NUDT11: variants seen among roughly 807,000 people sequenced by gnomAD.
NUDT11 encodes the protein nudix hydrolase 11.
NUDT11 carries 1 observed loss-of-function variant against 10.0 expected under a neutral mutation model. The ratio of observed to expected loss-of-function variants is 0.10; its 90% CI spans 0.04 to 0.47. The LOEUF (loss-of-function observed/expected upper bound fraction) is 0.47, where lower values mean the gene tolerates loss of function less well. Ranked by LOEUF, NUDT11 falls within the 20% of genes least tolerant of loss-of-function variation. NUDT11 has a pLI of 0.96. For missense variants in NUDT11, 47 were observed against 140.4 expected (o/e 0.33, Z 3.36); for synonymous variants, 63 against 65.9 (o/e 0.96, Z 0.21).
intron 1 of NUDT11, 73 bp downstream of exon 1, chrX:51,495,878 A>G: frequency 1.6e-5 from 19 of 1,170,322 alleles, no homozygotes; most frequent in Non-Finnish European, 2.2e-5. Flanking sequence ...ATGGCACGAG[A>G]GGTGCTCCAG....
chrX:51,493,973 A>G (rs1397139754), intron 1 of NUDT11, among the ~76,000 whole-genome samples: 2 of 112,078 alleles, frequency 1.8e-5, no homozygotes, highest in Non-Finnish European at 3.8e-5. Flanking sequence ...AAAAATATCC[A>G]TAAAATACAA....
chrX:51,494,309 C>A (rs1421891323), intron 1 of NUDT11, among the ~76,000 whole-genome samples: 2 of 111,667 alleles, frequency 1.8e-5, no homozygotes, highest in African/African-American at 3.2e-5. Flanking sequence ...TTGATCAGAC[C>A]ATGTAATTCA....
intron 1 of NUDT11, among the ~76,000 whole-genome samples, chrX:51,493,581 T>C (rs1163506286): frequency 8.9e-6 from 1 of 111,880 alleles, no homozygotes; most frequent in African/African-American, 3.2e-5. Context: ...TCTGTACTAA[T>C]GCTTTTAACT....
chrX:51,494,516 G>A (rs1925659829), intron 1 of NUDT11, among the ~76,000 whole-genome samples: 1 of 111,201 alleles, frequency 9.0e-6, no homozygotes, highest in Non-Finnish European at 1.9e-5. Context: ...TCACTGTTTA[G>A]CAGCATAAAA....
intron 1 of NUDT11, among the ~76,000 whole-genome samples, chrX:51,492,367 CTCTT>C (rs1925614573): frequency 9.1e-6 from 1 of 109,368 alleles, no homozygotes; most frequent in South Asian, 4.0e-4. Flanking sequence ...CATGCGCTCA[CTCTT>C]TTTTTTTTTT....
intron 1 of NUDT11, among the ~76,000 whole-genome samples, chrX:51,494,015 A>G (rs1349544274): frequency 8.9e-6 from 1 of 112,047 alleles, no homozygotes; most frequent in East Asian, 2.8e-4. Context: ...ATATTAATGT[A>G]GAAACAAGAA....
chrX:51,493,193 A>T (rs1925631203), intron 1 of NUDT11, among the ~76,000 whole-genome samples: 1 of 112,308 alleles, frequency 8.9e-6, no homozygotes, highest in South Asian at 3.7e-4. Context: ...TCCTCTTTAT[A>T]TATTCACAAG....
At chrX:51,495,868 A>G (rs1925691584) in intron 1 of NUDT11, 83 bp downstream of exon 1, 1 of 1,153,568 alleles carries the variant, frequency 8.7e-7, no homozygotes, top group Non-Finnish European at 1.2e-6. Context: ...GAGACCGCAC[A>G]TGGCACGAGA....
chrX:51,496,359 C>G lies in NUDT11; in HGVS notation c.86G>C (p.Arg29Pro). ...RAACLCFRSE[R>P]EDEVLLVSSS... ...ACTCACTAACAGGACCTCGTCCTCG[C>G]GTTCGCTCCGGAAGCACAGGCACGC... Residue 29 changes from arginine (R) to proline (P), a missense_variant, in exon 1 of 2, where the codon CGC becomes CCC. Coordinates refer to ENST00000375992, the MANE Select transcript of NUDT11 (RefSeq NM_018159.4). 8.3e-7 allele frequency: 1 copy of G among 1,209,019 alleles called. No homozygotes were observed. Among genetic ancestry groups the G allele is most frequent in the Non-Finnish European group, 1.1e-6 (1 of 894,401 alleles).
Position 51,491,519 on chromosome X carries a change from C to T in NUDT11, c.*230G>A, listed in dbSNP as rs921888160. On this transcript the variant is annotated 3_prime_UTR_variant, in exon 2 of 2. Transcript: ENST00000375992. ...AGGCAGACACATCAAAAAAGCACAA[C>T]AAAAGGCTATAGGTGCTGAATTAAG... The T allele has an allele frequency of 3.1e-5, 11 of 349,808 alleles. No individual in the cohort carries two copies. The highest frequency in any genetic ancestry group is 5.4e-5 in the Non-Finnish European group (11 of 202,287). The allele number at this position is 349,808 out of a possible 1,213,427, so 28.8% of individuals were successfully genotyped here.
Position 51,496,013 on chromosome X carries a change from C to T in NUDT11, c.432G>A (p.Lys144=), listed in dbSNP as rs782350129. ...PVHAEYLEKL[K]LGGSPTNGNS... ...TTCCATTGGTTGGGGAACCGCCCAG[C>T]TTTAGTTTCTCCAGATATTCGGCGT... The change falls in exon 1 of 2, where the codon AAG becomes AAA. Residue 144 remains lysine, a synonymous_variant. Coordinates refer to ENST00000375992, the MANE Select transcript of NUDT11 (RefSeq NM_018159.4). 4.1e-6 allele frequency: 5 copies of T among 1,209,242 alleles called. No homozygotes were observed. Among genetic ancestry groups the T allele is most frequent in the Non-Finnish European group, 5.6e-6 (5 of 893,436 alleles).
rs1925716757 is a variant in NUDT11, at chrX:51,496,578, G to C, written c.-134C>G. On this transcript the variant is annotated 5_prime_UTR_variant, in exon 1 of 2. Coordinates refer to ENST00000375992, the MANE Select transcript of NUDT11 (RefSeq NM_018159.4). ...GGCCGAGGCGAGGGGCGGGGAAAGAGAGGCGCCTCCGTCTGCCCGCGAGCC... is the reference window on the plus strand; with the variant it reads ...GGCCGAGGCGAGGGGCGGGGAAAGACAGGCGCCTCCGTCTGCCCGCGAGCC... 9.6e-7 allele frequency: 1 copy of C among 1,042,256 alleles called. No individual in the cohort carries two copies. Among genetic ancestry groups the C allele is most frequent in the African/African-American group, 1.9e-5 (1 of 52,694 alleles). The allele number at this position is 1,042,256 out of a possible 1,213,427, so 85.9% of individuals were successfully genotyped here.
In NUDT11 at chrX:51,490,691, C is replaced by G. The variant is rs782795536; in HGVS notation, c.*1058G>C. 1.8e-5 allele frequency: 2 copies of G among 112,013 alleles called. No homozygotes were observed. Among genetic ancestry groups the G allele is most frequent in the Non-Finnish European group, 3.8e-5 (2 of 53,256 alleles). The allele number at this position is 112,013 out of a possible 1,213,427, so 9.2% of individuals were successfully genotyped here. A position where few individuals can be genotyped will look rare whatever the true frequency, so the allele number is the denominator to read the frequency against. On this transcript the variant is annotated 3_prime_UTR_variant, in exon 2 of 2. Coordinates refer to ENST00000375992, the MANE Select transcript of NUDT11 (RefSeq NM_018159.4). ...ACAACAATTTTGCCCTCTCTCAGCC[C>G]TCTGCATTCTCATATGCAGAAACCA...
At position 51,491,609 on chromosome X, in the gene NUDT11, T is replaced by C. The variant is rs1271655025; in HGVS notation, c.*140A>G. On this transcript the variant is annotated 3_prime_UTR_variant, in exon 2 of 2. Coordinates refer to ENST00000375992, the MANE Select transcript of NUDT11 (RefSeq NM_018159.4). ...GTCAGTGGTATAGACAGGGAAGGAG[T>C]GTCCCAAGATGCAGGAAGAAACCAG... 2 of 506,800 alleles carry C rather than the reference T, an allele frequency of 3.9e-6. No individual in the cohort carries two copies. Among genetic ancestry groups the C allele is most frequent in the Admixed American group, 2.5e-5 (1 of 39,640 alleles). The allele number at this position is 506,800 out of a possible 1,213,427, so 41.8% of individuals were successfully genotyped here.
chrX:51,493,502 G>A (rs1310742411), intron 1 of NUDT11, among the ~76,000 whole-genome samples: 8 of 111,697 alleles, frequency 7.2e-5, no homozygotes, highest in African/African-American at 2.6e-4. Context: ...CCACTGTTCC[G>A]AAAACAAATC....
chrX:51,495,140 G>A (rs187932449), intron 1 of NUDT11, among the ~76,000 whole-genome samples: 1 of 111,747 alleles, frequency 8.9e-6, no homozygotes, highest in East Asian at 2.8e-4. Context: ...TATTCAATAA[G>A]GTTAATCTAC....
At chrX:51,493,915 C>T (rs1306409079) in intron 1 of NUDT11, among the ~76,000 whole-genome samples, 1 of 111,661 alleles carries the variant, frequency 9.0e-6, no homozygotes, top group Non-Finnish European at 1.9e-5. Context: ...CGAGTTAAGT[C>T]TCCAAAGTAA....
intron 1 of NUDT11, among the ~76,000 whole-genome samples, chrX:51,493,980 A>T (rs1156869461): frequency 1.8e-5 from 2 of 112,053 alleles, no homozygotes; most frequent in Non-Finnish European, 3.8e-5. Context: ...TCCATAAAAT[A>T]CAATCTAGTA....
Position 51,491,514 on chromosome X carries a change from C to G in NUDT11, c.*235G>C, listed in dbSNP as rs1301019248. On this transcript the variant is annotated 3_prime_UTR_variant, in exon 2 of 2. Coordinates refer to ENST00000375992, the MANE Select transcript of NUDT11 (RefSeq NM_018159.4). Reference sequence around the variant, plus strand: ...AATGAAGGCAGACACATCAAAAAAGCACAACAAAAGGCTATAGGTGCTGAA... The same window carrying G: ...AATGAAGGCAGACACATCAAAAAAGGACAACAAAAGGCTATAGGTGCTGAA... 1 of 341,762 alleles carries G rather than the reference C, an allele frequency of 2.9e-6. No individual in the cohort carries two copies. Among genetic ancestry groups the G allele is most frequent in the Non-Finnish European group, 5.1e-6 (1 of 197,636 alleles). The allele number at this position is 341,762 out of a possible 1,213,427, so 28.2% of individuals were successfully genotyped here. A position where few individuals can be genotyped will look rare whatever the true frequency, so the allele number is the denominator to read the frequency against.
Sources: allele counts gnomAD v4.1 joint callset (sites outside exome capture counted in the v4.1 genomes callset), GRCh38; gene constraint gnomAD v4.1.1; transcripts MANE v1.5; gene names NCBI Gene and HGNC (gene_info 2026-07-23, HGNC 2026-07-21).